The following CDS1 variants were observed in gnomAD, a reference collection of about 807,000 sequenced individuals.
The protein encoded by CDS1 is phosphatidate cytidylyltransferase 1.
CDS1 carries 41 observed loss-of-function variants against 62.1 expected under a neutral mutation model. The observed-to-expected ratio is 0.66, with a 90% CI of 0.51 to 0.86. The LOEUF (loss-of-function observed/expected upper bound fraction) is 0.86. Among genes scored for constraint, CDS1 ranks in the 40% least tolerant of loss-of-function variants. The pLI is 0.00. For missense variants in CDS1, 470 were observed against 550.1 expected (o/e 0.85, Z 1.46); for synonymous variants, 185 against 192.6 (o/e 0.96, Z 0.32).
chr4:84,589,281 A>G (rs1358436867), intron 1 of CDS1, among the ~76,000 whole-genome samples: 1 of 152,220 alleles, frequency 6.6e-6, no homozygotes, highest in Non-Finnish European at 1.5e-5. Flanking sequence ...TGGTTGTTCC[A>G]CTATCCATTT....
At chr4:84,624,160 G>C (rs1723779611) in intron 5 of CDS1, among the ~76,000 whole-genome samples, 1 of 151,404 alleles carries the variant, frequency 6.6e-6, no homozygotes, top group Non-Finnish European at 1.5e-5. Flanking sequence ...TATAGTCCCA[G>C]CTACTTGGGA....
intron 5 of CDS1, among the ~76,000 whole-genome samples, chr4:84,623,928 G>A (rs956630193): frequency 2.0e-5 from 3 of 152,032 alleles, no homozygotes; most frequent in Non-Finnish European, 2.9e-5. Context: ...CAGGCAGCCC[G>A]GGTTCTGAAT....
intron 5 of CDS1, among the ~76,000 whole-genome samples, chr4:84,623,725 A>G (rs1723762740): frequency 6.6e-6 from 1 of 152,200 alleles, no homozygotes; most frequent in Non-Finnish European, 1.5e-5. Context: ...TTTTGCTCAC[A>G]GTCCTGCGGA....
intron 12 of CDS1, among the ~76,000 whole-genome samples, chr4:84,646,338 C>T (rs1050315590): frequency 6.6e-6 from 1 of 152,112 alleles, no homozygotes; most frequent in African/African-American, 2.4e-5. Context: ...TTTCTCCTCT[C>T]ATCTTTCATT....
chr4:84,594,306 A>G (rs1444381532), intron 1 of CDS1, among the ~76,000 whole-genome samples: 1 of 152,164 alleles, frequency 6.6e-6, no homozygotes, highest in East Asian at 1.9e-4. Flanking sequence ...TGGCCACGCA[A>G]GTTCTGGGAG....
intron 3 of CDS1, among the ~76,000 whole-genome samples, chr4:84,615,352 T>A (rs1410122258): frequency 6.6e-6 from 1 of 152,036 alleles, no homozygotes. Flanking sequence ...GCCCACTGTT[T>A]CCACCTTATT....
At chr4:84,611,038 A>G (rs1355940926) in intron 3 of CDS1, among the ~76,000 whole-genome samples, 3 of 152,234 alleles carry the variant, frequency 2.0e-5, no homozygotes, top group Admixed American at 1.3e-4. Context: ...TTCCAGAGGC[A>G]CAGTGCCAAG....
At chr4:84,636,645 C>T (rs540452832) in intron 8 of CDS1, among the ~76,000 whole-genome samples, 4 of 152,214 alleles carry the variant, frequency 2.6e-5, no homozygotes, top group African/African-American at 7.2e-5. Flanking sequence ...CTGCCTCAGC[C>T]TCCCAAGTAT....
chr4:84,594,611 ATTAG>A (rs1380139458), intron 1 of CDS1, among the ~76,000 whole-genome samples: 2 of 152,104 alleles, frequency 1.3e-5, no homozygotes, highest in Admixed American at 1.3e-4. Context: ...GAGTCTCAAT[ATTAG>A]TTTTAAAGTT....
chr4:84,604,496 A>G, intron 2 of CDS1, 126 bp downstream of exon 2: 2 of 785,038 alleles, frequency 2.5e-6, no homozygotes, highest in Non-Finnish European at 2.1e-6. Context: ...CAAAAAGGCC[A>G]CCTAATATCC....
Position 84,609,468 on chromosome 4 carries a change from T to C in CDS1, c.285T>C (p.Thr95=), listed in dbSNP as rs1723247076. 6.2e-7 allele frequency: 1 copy of C among 1,611,644 alleles called. No homozygotes were observed. Among genetic ancestry groups the C allele is most frequent in the East Asian group, 2.2e-5 (1 of 44,790 alleles). The change falls in exon 3 of 13, where the codon ACT becomes ACC. Residue 95 remains threonine (T), a synonymous_variant. Transcript: ENST00000295887. ...NWWIRGILTL[T]MISLFFLIIY... is the part of the protein sequence containing the mutation. The stretch of plus-strand genomic sequence containing the variant: ...GGATACGTGGAATTCTCACTCTAAC[T>C]ATGATCTCGTTGTTTTTCCTGATCA...
chr4:84,589,184 G>C (rs1722506775), intron 1 of CDS1, among the ~76,000 whole-genome samples: 1 of 152,134 alleles, frequency 6.6e-6, no homozygotes, highest in South Asian at 2.1e-4. Context: ...TTTGTATCTT[G>C]CATAACCGTG....
intron 5 of CDS1, among the ~76,000 whole-genome samples, chr4:84,619,906 C>G (rs1356379147): frequency 1.3e-5 from 2 of 151,518 alleles, no homozygotes; most frequent in Non-Finnish European, 2.9e-5. Context: ...GTGGCACATG[C>G]CTATAATTTC....
At chr4:84,644,238 C>A (rs1724483389) in intron 11 of CDS1, among the ~76,000 whole-genome samples, 1 of 152,122 alleles carries the variant, frequency 6.6e-6, no homozygotes, top group Admixed American at 6.6e-5. Context: ...AGATGCTCAC[C>A]ACCTACTAGG....
intron 11 of CDS1, among the ~76,000 whole-genome samples, chr4:84,644,538 T>C (rs1724495764): frequency 6.6e-6 from 1 of 152,206 alleles, no homozygotes; most frequent in Non-Finnish European, 1.5e-5. Context: ...CAAACAGCTA[T>C]TGCTGTTGTA....
intron 1 of CDS1, among the ~76,000 whole-genome samples, chr4:84,590,039 C>T (rs1487032569): frequency 6.6e-6 from 1 of 152,170 alleles, no homozygotes; most frequent in Non-Finnish European, 1.5e-5. Context: ...TCTCAATCTC[C>T]TGACCTTGTG....
intron 1 of CDS1, among the ~76,000 whole-genome samples, chr4:84,594,050 G>A (rs1405965664): frequency 2.0e-5 from 3 of 151,948 alleles, no homozygotes; most frequent in Admixed American, 6.6e-5. Context: ...CACATAGCTG[G>A]GTCAGCTCAG....
intron 3 of CDS1, among the ~76,000 whole-genome samples, chr4:84,610,539 C>T (rs536971747): frequency 6.6e-5 from 10 of 152,190 alleles, no homozygotes; most frequent in African/African-American, 2.4e-4. Flanking sequence ...CCAGGCATTA[C>T]GTTAGTTCTA....
intron 3 of CDS1, among the ~76,000 whole-genome samples, chr4:84,617,295 A>G (rs770676997): frequency 6.6e-6 from 1 of 152,156 alleles, no homozygotes; most frequent in Non-Finnish European, 1.5e-5. Flanking sequence ...CAACCAGACT[A>G]TATCCCTCAA....
Sources: gnomAD v4.1 joint callset for allele counts (sites outside exome capture counted in the v4.1 genomes callset) on GRCh38, gnomAD v4.1.1 for gene constraint, MANE v1.5 for transcripts, NCBI Gene and HGNC (gene_info 2026-07-23, HGNC 2026-07-21) for gene names.